The following UBR1 variants were observed in gnomAD, a reference collection of about 807,000 sequenced individuals.
UBR1 encodes the protein E3 ubiquitin-protein ligase UBR1.
In UBR1, 102 loss-of-function variants were observed where a neutral mutation model predicts 242.1. The observed-to-expected ratio is 0.42, with a 90% CI of 0.36 to 0.50. UBR1 has a LOEUF of 0.50. UBR1 is among the 20% of genes least tolerant of loss of function. The pLI, the probability that UBR1 is intolerant of heterozygous loss-of-function variation, is 0.01. For missense variants in UBR1, 1,772 were observed against 2,101.8 expected (o/e 0.84, Z 3.07); for synonymous variants, 675 against 684.8 (o/e 0.99, Z 0.22).
intron 15 of UBR1, among the ~76,000 whole-genome samples, chr15:43,038,520 G>C (rs1428509111): frequency 1.3e-5 from 2 of 152,118 alleles, no homozygotes; most frequent in East Asian, 3.9e-4. Flanking sequence ...CTTGAACCTG[G>C]GAGGCGGAAG....
chr15:43,065,430 G>A lies in UBR1; in HGVS notation c.798+2468C>T, dbSNP rs372031383. ...TTTACAGAGGTAAACGTGTGCCATG[G>A]TGGTCTGCCGCAGAGATCAACCCAT... On this transcript the variant is annotated intron_variant, in intron 6 of 46. Transcript: ENST00000290650. Among the ~76,000 whole-genome samples the A allele has an allele frequency of 1.3e-4, 20 of 151,890 alleles. 1 individual carries two copies. The highest frequency in any genetic ancestry group is 9.7e-4 in the East Asian group (5 of 5,180).
intron 27 of UBR1, 75 bp downstream of exon 27, chr15:43,021,200 G>C (rs1007489908): frequency 1.2e-5 from 15 of 1,224,584 alleles, no homozygotes; most frequent in Middle Eastern, 2.2e-4. Context: ...TGGTACAGTG[G>C]TTTAACACTG....
intron 44 of UBR1, among the ~76,000 whole-genome samples, chr15:42,956,776 G>GT (rs2031928700): frequency 6.6e-6 from 1 of 152,208 alleles, no homozygotes; most frequent in Non-Finnish European, 1.5e-5. Context: ...ATGATGGCTT[G>GT]TTTTTCTGGT....
rs17776090 is a variant in UBR1, at chr15:42,943,386, A to G, written c.*1943T>C. 2,577 of 152,700 alleles carry G rather than the reference A, an allele frequency of 0.017. 40 individuals carry two copies. Among genetic ancestry groups the G allele is most frequent in the Non-Finnish European group, 0.025 (1,711 of 68,032 alleles). 9.5% of individuals were successfully genotyped at this position (152,700 alleles called of 1,614,324 possible). On this transcript the variant is annotated 3_prime_UTR_variant, in exon 47 of 47. Coordinates refer to ENST00000290650, the MANE Select transcript of UBR1 (RefSeq NM_174916.3). ...TAAATCACTAGGACATTTGAACATA[A>G]TGAGAAATCCCTGGGGCTTGGGGCA...
intron 29 of UBR1, among the ~76,000 whole-genome samples, chr15:43,012,100 G>A (rs993174658): frequency 4.6e-5 from 7 of 152,120 alleles, no homozygotes; most frequent in Middle Eastern, 3.4e-3. Context: ...GGTGGCGGGC[G>A]CCTGTAGTCC....
intron 44 of UBR1, among the ~76,000 whole-genome samples, chr15:42,954,767 C>T (rs1181972898): frequency 6.6e-6 from 1 of 152,074 alleles, no homozygotes; most frequent in Non-Finnish European, 1.5e-5. Context: ...TAGCATTTTG[C>T]CATGTTGGCC....
intron 33 of UBR1, 132 bp from the exon 34 acceptor site, chr15:42,990,252 A>T: frequency 1.5e-6 from 1 of 678,734 alleles, no homozygotes; most frequent in Non-Finnish European, 2.6e-6. Flanking sequence ...TGGCATGATC[A>T]TCTGTAGCTT....
At chr15:43,098,707 A>T (rs1176980114) in intron 1 of UBR1, among the ~76,000 whole-genome samples, 3 of 152,136 alleles carry the variant, frequency 2.0e-5, no homozygotes, top group African/African-American at 7.2e-5. Flanking sequence ...AGTCATTTTG[A>T]CTTAGAGTTT....
rs979527510 is a variant in UBR1, at chr15:43,075,205, A to G, written c.418-116T>C. 316 of 880,780 alleles carry G rather than the reference A, an allele frequency of 3.6e-4. 2 individuals are homozygous for G. The highest frequency in any genetic ancestry group is 2.3e-4 in the Admixed American group (13 of 57,202). 54.6% of individuals were successfully genotyped at this position (880,780 alleles called of 1,614,324 possible). On this transcript the variant is annotated intron_variant, in intron 3 of 46. Transcript: ENST00000290650. ...AATACTCCAACCTTAATTGAGTTCAATGTAATATTAACTGGATGTAACAAA... is the reference window on the plus strand; with the variant it reads ...AATACTCCAACCTTAATTGAGTTCAGTGTAATATTAACTGGATGTAACAAA...
chr15:43,086,036 A>G lies in UBR1; in HGVS notation c.286T>C (p.Phe96Leu). ...CLEKLKHSGA[F>L]QLCGRVFKSG... is the part of the protein sequence containing the mutation. ...TTGAAAACCCTCCCACAAAGCTGAA[A>G]TGCTCCACTGTGCTTCAATTTCTCT... Residue 96 changes from phenylalanine to leucine, a missense_variant, in exon 2 of 47, where the codon TTT becomes CTT. By Grantham distance (22) the Phe-to-Leu change is conservative. Around this residue, in one of 3 missense-constraint regions of UBR1, gnomAD observed 734 missense variants for 893.3 expected, o/e 0.82. Coordinates refer to ENST00000290650, the MANE Select transcript of UBR1 (RefSeq NM_174916.3). 6.2e-7 allele frequency: 1 copy of G among 1,614,134 alleles called. No individual in the cohort carries two copies. The highest frequency in any genetic ancestry group is 8.5e-7 in the Non-Finnish European group (1 of 1,180,018).
At chr15:42,973,598 C>T (rs562725261) in intron 39 of UBR1, among the ~76,000 whole-genome samples, 6 of 119,472 alleles carry the variant, frequency 5.0e-5, no homozygotes, top group Admixed American at 4.8e-4. Flanking sequence ...CCGGCCTCAT[C>T]GCTCATTTTT....
At chr15:43,057,068 C>T (rs2033627896) in intron 10 of UBR1, among the ~76,000 whole-genome samples, 1 of 152,082 alleles carries the variant, frequency 6.6e-6, no homozygotes, top group African/African-American at 2.4e-5. Flanking sequence ...CTTTACCCTC[C>T]AGAATTCCTA....
At chr15:43,011,757 C>G (rs765173522) in intron 29 of UBR1, among the ~76,000 whole-genome samples, 4 of 152,190 alleles carry the variant, frequency 2.6e-5, no homozygotes, top group Non-Finnish European at 4.4e-5. Context: ...CTTTCACTTA[C>G]TGGACTCCTT....
At chr15:43,076,847 A>G (rs2033907881) in intron 3 of UBR1, among the ~76,000 whole-genome samples, 1 of 75,740 alleles carries the variant, frequency 1.3e-5, no homozygotes, top group Non-Finnish European at 2.8e-5. Flanking sequence ...GGCCGCCCCT[A>G]CTGGGAAGTG....
chr15:43,088,052 A>G (rs915527384), intron 1 of UBR1, among the ~76,000 whole-genome samples: 1 of 152,244 alleles, frequency 6.6e-6, no homozygotes, highest in African/African-American at 2.4e-5. Flanking sequence ...GAGCCTGGGA[A>G]AAACTTAGCG....
At chr15:43,076,987 AG>A (rs1338693304) in intron 3 of UBR1, among the ~76,000 whole-genome samples, 8 of 79,236 alleles carry the variant, frequency 1.0e-4, no homozygotes, top group Non-Finnish European at 1.6e-4. Flanking sequence ...GGAAGTGAGG[AG>A]CCCCTCTGCC....
intron 1 of UBR1, among the ~76,000 whole-genome samples, chr15:43,101,114 G>A (rs1387793513): frequency 3.3e-5 from 5 of 152,204 alleles, no homozygotes; most frequent in Non-Finnish European, 5.9e-5. Context: ...GCAAAATACA[G>A]CTTGGGCTTG....
At chr15:42,992,231 C>G (rs1390330394) in intron 33 of UBR1, among the ~76,000 whole-genome samples, 1 of 152,168 alleles carries the variant, frequency 6.6e-6, no homozygotes, top group Non-Finnish European at 1.5e-5. Flanking sequence ...TGCTTTAAAA[C>G]TCTTCGATAA....
chr15:43,023,198 A>G (rs545554755), intron 25 of UBR1, among the ~76,000 whole-genome samples: 1 of 152,218 alleles, frequency 6.6e-6, no homozygotes, highest in African/African-American at 2.4e-5. Context: ...AAGTAGAAGT[A>G]TAAAAATAAG....
Sources: allele counts gnomAD v4.1 joint callset (sites outside exome capture counted in the v4.1 genomes callset), GRCh38; gene constraint gnomAD v4.1.1; regional missense constraint gnomAD v4.1.1; transcripts MANE v1.5; gene names NCBI Gene and HGNC (gene_info 2026-07-23, HGNC 2026-07-21).